The following CDH13 variants were observed in gnomAD, a reference collection of about 807,000 sequenced individuals.
CDH13 encodes the protein cadherin 13.
Under a neutral mutation model 63.8 loss-of-function variants are expected in CDH13, and 24 were observed. The ratio of observed to expected loss-of-function variants is 0.38; its 90% CI spans 0.27 to 0.53. The LOEUF is 0.53. Among genes scored for constraint, CDH13 ranks in the 20% least tolerant of loss-of-function variants. CDH13 has a pLI of 0.85. For synonymous variants in CDH13, 503 were observed against 355.3 expected, an observed-to-expected ratio of 1.42 and a Z score of -4.67; for missense variants, 1,049 against 903.1, an observed-to-expected ratio of 1.16 and a Z score of -2.07.
intron 7 of CDH13, among the ~76,000 whole-genome samples, chr16:83,567,212 A>G (rs916444614): frequency 6.6e-6 from 1 of 152,190 alleles, no homozygotes; most frequent in African/African-American, 2.4e-5. Flanking sequence ...GGCTCTCATC[A>G]GTGTATTCTC....
chr16:83,042,116 C>G (rs983989161), intron 3 of CDH13, among the ~76,000 whole-genome samples: 22 of 152,334 alleles, frequency 1.4e-4, no homozygotes, highest in African/African-American at 5.1e-4. Flanking sequence ...AGACACCCGA[C>G]ACGCTGCAGA....
At chr16:83,094,257 C>T (rs143085998) in intron 3 of CDH13, among the ~76,000 whole-genome samples, 4 of 152,228 alleles carry the variant, frequency 2.6e-5, no homozygotes, top group African/African-American at 4.8e-5. Context: ...CCTGCTTTGC[C>T]CTCTTTGTCA....
chr16:82,727,790 C>A (rs1046234245), intron 1 of CDH13: 32 of 152,302 alleles, frequency 2.1e-4, no homozygotes, highest in African/African-American at 7.0e-4. Context: ...AGACAGGCAG[C>A]CCCAACCTAT....
chr16:83,777,991 C>T (rs1052805459), intron 11 of CDH13, among the ~76,000 whole-genome samples: 2 of 152,196 alleles, frequency 1.3e-5, no homozygotes, highest in African/African-American at 4.8e-5. Context: ...GATTGTACTA[C>T]TGTATAAAAT....
At chr16:83,424,058 T>A (rs1309426068) in intron 6 of CDH13, among the ~76,000 whole-genome samples, 2 of 151,644 alleles carry the variant, frequency 1.3e-5, no homozygotes, top group African/African-American at 4.8e-5. Context: ...TACTGAACAG[T>A]CTAGAAGAGG....
chr16:82,684,435 T>G (rs1278656237), intron 1 of CDH13, among the ~76,000 whole-genome samples: 1 of 152,140 alleles, frequency 6.6e-6, no homozygotes, highest in Non-Finnish European at 1.5e-5. Context: ...ATGTCTGCGG[T>G]GAGCAAGATT....
At chr16:83,394,658 C>T (rs76465670) in intron 6 of CDH13, among the ~76,000 whole-genome samples, 1,882 of 152,258 alleles carry the variant, frequency 0.012, 43 homozygotes, top group African/African-American at 0.042. Flanking sequence ...ATAGGACCTC[C>T]CTTGCTAGTG....
chr16:82,667,679 G>A (rs138615673), intron 1 of CDH13, among the ~76,000 whole-genome samples: 4 of 152,244 alleles, frequency 2.6e-5, no homozygotes, highest in East Asian at 3.9e-4. Context: ...TGAGGAAGGC[G>A]AAGCAGTGCA....
rs1252851267 is a variant in CDH13, at chr16:83,670,849, T to C, written c.1161T>C (p.Asp387=). 6.2e-7 allele frequency: 1 copy of C among 1,613,920 alleles called. No individual in the cohort carries two copies. Among genetic ancestry groups the C allele is most frequent in the Non-Finnish European group, 8.5e-7 (1 of 1,179,852 alleles). ...VGVIVNLTVE[D]KDDPTTGAWR... The stretch of plus-strand genomic sequence containing the variant: ...TTATTGTCAATTTGACAGTTGAAGA[T>C]AAGGATGACCCCACCACAGGTGCAT... Residue 387 remains aspartate, a synonymous_variant, in exon 9 of 14, where the codon GAT becomes GAC. Coordinates refer to ENST00000567109, the MANE Select transcript of CDH13 (RefSeq NM_001257.5).
intron 7 of CDH13, among the ~76,000 whole-genome samples, chr16:83,563,314 T>C (rs1201468514): frequency 6.6e-6 from 1 of 152,228 alleles, no homozygotes; most frequent in Non-Finnish European, 1.5e-5. Flanking sequence ...TTTTAAGCAG[T>C]CATGGAACCA....
At chr16:82,809,325 A>AG (rs397807540) in intron 1 of CDH13, among the ~76,000 whole-genome samples, 3 of 150,576 alleles carry the variant, frequency 2.0e-5, no homozygotes, top group African/African-American at 7.3e-5. Context: ...AAAAAAAAAA[A>AG]TCACTGTAAA....
chr16:83,699,131 G>A (rs142696530), intron 10 of CDH13, among the ~76,000 whole-genome samples: 1 of 152,352 alleles, frequency 6.6e-6, no homozygotes, highest in Non-Finnish European at 1.5e-5. Context: ...TTTGCTAAAT[G>A]CATGACTTAT....
At chr16:83,096,603 A>T (rs2034207076) in intron 3 of CDH13, among the ~76,000 whole-genome samples, 1 of 152,188 alleles carries the variant, frequency 6.6e-6, no homozygotes, top group Admixed American at 6.5e-5. Context: ...GCAAATTTAA[A>T]TTCTTAATAT....
chr16:83,188,523 A>C (rs1284627352), intron 4 of CDH13, among the ~76,000 whole-genome samples: 1 of 152,096 alleles, frequency 6.6e-6, no homozygotes, highest in Non-Finnish European at 1.5e-5. Context: ...GAGGGGGGAA[A>C]CTGAAGCTCA....
chr16:83,441,154 G>T (rs186484756), intron 6 of CDH13, among the ~76,000 whole-genome samples: 1 of 152,192 alleles, frequency 6.6e-6, no homozygotes, highest in African/African-American at 2.4e-5. Context: ...CACAGCCAGG[G>T]TCAGTAGTCA....
chr16:82,855,290 C>G (rs966375309), intron 1 of CDH13, among the ~76,000 whole-genome samples: 1 of 152,162 alleles, frequency 6.6e-6, no homozygotes, highest in Non-Finnish European at 1.5e-5. Flanking sequence ...ATGGAGAACA[C>G]AGCTCACCTG....
rs1264164107 is a variant in CDH13, at chr16:83,172,141, C to G, written c.484-45204C>G. On this transcript the variant is annotated intron_variant, in intron 4 of 13. Transcript: ENST00000567109. The stretch of plus-strand genomic sequence containing the variant: ...GACCCTAGTATAATATGACTGATGC[C>G]TATAAAAAGAGAAATTTGGAGATAG... Among the ~76,000 whole-genome samples, 3 of 150,424 alleles carry G rather than the reference C, an allele frequency of 2.0e-5. 1 individual carries two copies. The highest frequency in any genetic ancestry group is 2.0e-4 in the Admixed American group (3 of 15,158).
intron 4 of CDH13, among the ~76,000 whole-genome samples, chr16:83,142,325 T>G (rs1245029508): frequency 1.3e-5 from 2 of 152,064 alleles, no homozygotes; most frequent in Non-Finnish European, 2.9e-5. Flanking sequence ...CACACCTGGC[T>G]AAGTTTTTTA....
At chr16:83,562,636 A>G (rs1475212890) in intron 7 of CDH13, among the ~76,000 whole-genome samples, 1 of 152,128 alleles carries the variant, frequency 6.6e-6, no homozygotes, top group Admixed American at 6.5e-5. Flanking sequence ...TTCTTCATGA[A>G]CCTTCAACCT....
Sources: gnomAD v4.1 joint callset for allele counts (sites outside exome capture counted in the v4.1 genomes callset) on GRCh38, gnomAD v4.1.1 for gene constraint, MANE v1.5 for transcripts, NCBI Gene and HGNC (gene_info 2026-07-23, HGNC 2026-07-21) for gene names.